GLCE: variants seen among roughly 807,000 people sequenced by gnomAD.
The protein encoded by GLCE is glucuronic acid epimerase.
GLCE carries 19 observed loss-of-function variants against 47.9 expected under a neutral mutation model. The ratio of observed to expected loss-of-function variants is 0.40; its 90% CI spans 0.28 to 0.58. The LOEUF is 0.58. GLCE is among the 20% of genes least tolerant of loss of function. The pLI is 0.48. For missense variants in GLCE, 556 were observed against 743.3 expected (o/e 0.75, Z 2.93); for synonymous variants, 245 against 263.4 (o/e 0.93, Z 0.68).
chr15:69,233,770 T>G (rs549312368), intron 2 of GLCE, among the ~76,000 whole-genome samples: 2 of 152,200 alleles, frequency 1.3e-5, no homozygotes, highest in Non-Finnish European at 2.9e-5. Context: ...ACATCTTAAT[T>G]TCTTAATCAA....
At chr15:69,234,832 A>G (rs1172957737) in intron 2 of GLCE, among the ~76,000 whole-genome samples, 1 of 152,198 alleles carries the variant, frequency 6.6e-6, no homozygotes, top group Non-Finnish European at 1.5e-5. Flanking sequence ...ATTCACATTT[A>G]TTGCTGATAA....
chr15:69,250,747 G>C (rs1311683450), intron 2 of GLCE, among the ~76,000 whole-genome samples: 1 of 147,174 alleles, frequency 6.8e-6, no homozygotes, highest in Non-Finnish European at 1.5e-5. Flanking sequence ...CTGGGCTCAA[G>C]TGATCCTACC....
rs148023337 is a variant in GLCE at position 69,182,385 on chromosome 15, AAGAGAG to A, written c.-105+21645_-105+21650del. On this transcript the variant is annotated intron_variant, in intron 1 of 4. Coordinates refer to ENST00000261858, the MANE Select transcript of GLCE (RefSeq NM_015554.3). Reference sequence around the variant, plus strand: ...CAGAATAGGCAGAAAATTGCGCTGAAAGAGAGAGAGAGAGAGAGAGAGTCCATCCAG... The same window carrying A: ...CAGAATAGGCAGAAAATTGCGCTGAAAGAGAGAGAGAGAGAGTCCATCCAG... Among the ~76,000 whole-genome samples the A allele has an allele frequency of 1.1e-4, 16 of 144,198 alleles. No individual in the cohort carries two copies. In the South Asian group the frequency reaches 2.5e-3, roughly 22 times the overall value. 94.6% of individuals were successfully genotyped at this position (144,198 alleles called of 152,430 possible).
chr15:69,205,159 C>T (rs945430970), intron 1 of GLCE, among the ~76,000 whole-genome samples: 2 of 152,106 alleles, frequency 1.3e-5, no homozygotes, highest in South Asian at 2.1e-4. Flanking sequence ...TGTAGTTGTG[C>T]TCCCCCCCAC....
At chr15:69,170,855 G>A (rs2140328891) in intron 1 of GLCE, among the ~76,000 whole-genome samples, 1 of 152,268 alleles carries the variant, frequency 6.6e-6, no homozygotes, top group East Asian at 1.9e-4. Flanking sequence ...TACTGATTCT[G>A]TAGTACTGTT....
chr15:69,167,227 A>G (rs2051517356), intron 1 of GLCE, among the ~76,000 whole-genome samples: 1 of 152,166 alleles, frequency 6.6e-6, no homozygotes, highest in African/African-American at 2.4e-5. Flanking sequence ...AACAAAAAAC[A>G]AAACAAAACA....
chr15:69,231,105 G>A (rs367921140), intron 2 of GLCE, among the ~76,000 whole-genome samples: 24 of 152,206 alleles, frequency 1.6e-4, no homozygotes, highest in African/African-American at 5.5e-4. Flanking sequence ...TTTTCAATTC[G>A]AATCCCCTTT....
intron 4 of GLCE, among the ~76,000 whole-genome samples, chr15:69,265,274 T>C (rs2053069519): frequency 6.6e-6 from 1 of 152,072 alleles, no homozygotes; most frequent in Non-Finnish European, 1.5e-5. Context: ...AACAAAACTT[T>C]CTATTAGATT....
chr15:69,257,734 T>G (rs1349090759), intron 3 of GLCE, among the ~76,000 whole-genome samples: 1 of 152,140 alleles, frequency 6.6e-6, no homozygotes, highest in South Asian at 2.1e-4. Context: ...TTTTTATATA[T>G]TCTCTGGAGG....
At chr15:69,225,134 A>G (rs1595765617) in intron 2 of GLCE, among the ~76,000 whole-genome samples, 1 of 152,062 alleles carries the variant, frequency 6.6e-6, no homozygotes, top group South Asian at 2.1e-4. Context: ...GATTATTGGT[A>G]TTAGGAATAA....
At chr15:69,170,164 AC>A (rs201481824) in intron 1 of GLCE, among the ~76,000 whole-genome samples, 2,162 of 152,302 alleles carry the variant, frequency 0.014, 47 homozygotes, top group African/African-American at 0.048. Flanking sequence ...TTTTAAAAAA[AC>A]ATTTGCAATT....
intron 3 of GLCE, among the ~76,000 whole-genome samples, chr15:69,260,252 GTTTT>G (rs34911776): frequency 3.4e-4 from 27 of 79,244 alleles, no homozygotes; most frequent in African/African-American, 1.0e-3. Context: ...GTCACAACTG[GTTTT>G]TTTTTTTTTT....
In GLCE at chr15:69,256,069, T is replaced by C. The variant is rs1401003224; in HGVS notation, c.263T>C (p.Val88Ala). The change falls in exon 3 of 5, where the codon GTT becomes GCT. Residue 88 changes from valine to alanine, a missense_variant. By Grantham distance (64) the Val-to-Ala change is moderately conservative (BLOSUM62 0). This residue lies in a region of GLCE where 237 missense variants were observed against 310.9 expected (regional missense o/e 0.76). Transcript: ENST00000261858. The stretch of plus-strand genomic sequence containing the variant: ...GAACAGCAGAAAGCACCCCCTGTTG[T>C]TGGGGGCTTCAATAGCAATGTGGGA... ...PQEQQKAPPV[V>A]GGFNSNVGSK... 10 of 1,613,942 alleles carry C rather than the reference T, an allele frequency of 6.2e-6. No individual in the cohort carries two copies. The African/African-American group carries it at 1.2e-4, about 19-fold the overall frequency.
At chr15:69,204,345 C>T (rs912301815) in intron 1 of GLCE, among the ~76,000 whole-genome samples, 5 of 144,680 alleles carry the variant, frequency 3.5e-5, no homozygotes, top group Admixed American at 1.4e-4. Flanking sequence ...TGCAGTGGCA[C>T]GATCTCAGCT....
At chr15:69,242,445 A>T (rs2052685005) in intron 2 of GLCE, among the ~76,000 whole-genome samples, 2 of 152,022 alleles carry the variant, frequency 1.3e-5, no homozygotes, top group Non-Finnish European at 2.9e-5. Flanking sequence ...TTTCCTCAGT[A>T]TCAGATGTTA....
chr15:69,246,630 C>G (rs1001892758), intron 2 of GLCE, among the ~76,000 whole-genome samples: 1 of 151,174 alleles, frequency 6.6e-6, no homozygotes, highest in Non-Finnish European at 1.5e-5. Context: ...GCAGAAGAAT[C>G]GCTTGAATCC....
chr15:69,208,615 C>A (rs1214057406), intron 1 of GLCE, among the ~76,000 whole-genome samples: 2 of 151,972 alleles, frequency 1.3e-5, no homozygotes, highest in Non-Finnish European at 2.9e-5. Context: ...AGTTCTTTTG[C>A]CTTTCCATAA....
chr15:69,215,515 T>C (rs1323679627), intron 2 of GLCE, among the ~76,000 whole-genome samples: 1 of 151,050 alleles, frequency 6.6e-6, no homozygotes, highest in East Asian at 2.0e-4. Flanking sequence ...CAATCGTGAA[T>C]AAAGCTACTA....
chr15:69,254,805 A>C (rs2052898417), intron 2 of GLCE, among the ~76,000 whole-genome samples: 1 of 152,192 alleles, frequency 6.6e-6, no homozygotes, highest in Admixed American at 6.5e-5. Flanking sequence ...CTGAAGAAAG[A>C]CCTGGCCTGG....
Sources: gnomAD v4.1 joint callset for allele counts (sites outside exome capture counted in the v4.1 genomes callset) on GRCh38, gnomAD v4.1.1 for gene constraint, gnomAD v4.1.1 regional missense constraint, MANE v1.5 for transcripts, NCBI Gene and HGNC (gene_info 2026-07-23, HGNC 2026-07-21) for gene names.